TEAD3: variants seen among roughly 807,000 people sequenced by gnomAD.
TEAD3 encodes TEA domain transcription factor 3, also known as transcriptional enhancer factor TEF-5.
In TEAD3, 15 loss-of-function variants were observed where a neutral mutation model predicts 55.6. That is an observed-to-expected ratio of 0.27 (90% CI 0.18 to 0.42). The LOEUF is 0.42. Among genes scored for constraint, TEAD3 ranks in the 10% least tolerant of loss-of-function variants. The pLI is 1.00. For missense variants in TEAD3, 407 were observed against 576.8 expected, an observed-to-expected ratio of 0.71 and a Z score of 3.01; for synonymous variants, 210 against 232.2, an observed-to-expected ratio of 0.90 and a Z score of 0.87.
chr6:35,490,114 G>A (rs1330945406), intron 1 of TEAD3, among the ~76,000 whole-genome samples: 3 of 152,132 alleles, frequency 2.0e-5, no homozygotes, highest in Non-Finnish European at 4.4e-5. Context: ...CAGCGGCCCA[G>A]GCAGCCCCAG....
chr6:35,495,264 G>C (rs1768616608), intron 1 of TEAD3, among the ~76,000 whole-genome samples: 1 of 152,192 alleles, frequency 6.6e-6, no homozygotes, highest in Non-Finnish European at 1.5e-5. Context: ...AAAGTGCCAG[G>C]GTCTACAAAC....
chr6:35,486,442 C>G lies in TEAD3; in HGVS notation c.202+19G>C. ...CAGGGGGAAGGGCCGCAGTCCCGCC[C>G]GCGCCCCCCGGCACGCACCGTACAT... On this transcript the variant is annotated intron_variant, in intron 2 of 12. Coordinates refer to ENST00000639578, the Ensembl canonical transcript of TEAD3. The surrounding 1 kb of genome is among the most constrained non-coding windows in gnomAD (Gnocchi z 7.3). 1 of 1,601,458 alleles carries G rather than the reference C, an allele frequency of 6.2e-7. No individual in the cohort carries two copies. Among genetic ancestry groups the G allele is most frequent in the East Asian group, 2.2e-5 (1 of 44,620 alleles).
At chr6:35,480,453 G>T in intron 3 of TEAD3, 79 bp from the exon 4 acceptor site, 1 of 1,488,612 alleles carries the variant, frequency 6.7e-7, no homozygotes, top group Non-Finnish European at 9.3e-7. Flanking sequence ...CCGCGGGCAA[G>T]GAGCATCCCA....
rs1768338583 is a variant in TEAD3 at position 35,484,719 on chromosome 6, C to T, written c.203-95G>A. ...CACCGGGAAGCCACTCCAGGACCCT[C>T]CCCAAAACACTGCTCTTCTGTTCCT... On this transcript the variant is annotated intron_variant, in intron 2 of 12. Coordinates refer to ENST00000639578, the Ensembl canonical transcript of TEAD3. This position sits in a 1 kb window ranked among gnomAD's most constrained non-coding sequence, Gnocchi z 5.8. 3 of 1,020,770 alleles carry T rather than the reference C, an allele frequency of 2.9e-6. No homozygotes were observed. The highest frequency in any genetic ancestry group is 4.0e-5 in the Admixed American group (2 of 49,776). The allele number at this position is 1,020,770 out of a possible 1,614,324, so 63.2% of individuals were successfully genotyped here. A position where few individuals can be genotyped will look rare whatever the true frequency, so the allele number is the denominator to read the frequency against.
chr6:35,478,722 G>T, intron 5 of TEAD3, 151 bp from the exon 6 acceptor site: 1 of 1,091,042 alleles, frequency 9.2e-7, no homozygotes, highest in Non-Finnish European at 1.3e-6. Context: ...CAGCTCTGCT[G>T]TGTGATCTTG....
intron 3 of TEAD3, among the ~76,000 whole-genome samples, chr6:35,482,893 G>A (rs1182960565): frequency 6.6e-6 from 1 of 152,162 alleles, no homozygotes; most frequent in Non-Finnish European, 1.5e-5. Flanking sequence ...AGCTCAGAAC[G>A]GCTTTCTGTT....
At chr6:35,478,984 A>G (rs1244073340) in intron 5 of TEAD3, among the ~76,000 whole-genome samples, 1 of 150,042 alleles carries the variant, frequency 6.7e-6, no homozygotes, top group East Asian at 2.0e-4. Context: ...AGTTCAAGCA[A>G]TTTTCTTGCC....
Position 35,475,099 on chromosome 6 carries a change from A to T in TEAD3, c.1253T>A (p.Val418Asp). The T allele has an allele frequency of 6.3e-7, 1 of 1,598,338 alleles. No individual in the cohort carries two copies. The highest frequency in any genetic ancestry group is 8.5e-7 in the Non-Finnish European group (1 of 1,172,090). Residue 418 changes from valine (V) to aspartate (D), a missense_variant, in exon 13 of 13, where the codon GTC becomes GAC. Transcript: ENST00000639578. The surrounding 1 kb of genome is among the most constrained non-coding windows in gnomAD (Gnocchi z 5.4). Reference sequence around the variant, plus strand: ...CTGGGCCCCGTGCTCACTGGTGGAGACTTCGAAGACAAAAGCAATGACAAG... The same window carrying T: ...CTGGGCCCCGTGCTCACTGGTGGAGTCTTCGAAGACAAAAGCAATGACAAG...
Position 35,475,234 on chromosome 6 carries a change from C to T in TEAD3, c.1195-77G>A. The T allele has an allele frequency of 1.9e-6, 3 of 1,589,618 alleles. No individual in the cohort carries two copies. Among genetic ancestry groups the T allele is most frequent in the Non-Finnish European group, 2.6e-6 (3 of 1,166,860 alleles). On this transcript the variant is annotated intron_variant, in intron 12 of 12. Transcript: ENST00000639578. The surrounding 1 kb of genome is among the most constrained non-coding windows in gnomAD (Gnocchi z 5.4). ...GGGGCAGGGGGCTGAACAGACCATT[C>T]TCCTTTCCGGATCTATGCCTCTCAG... is the stretch of plus-strand genomic sequence containing the variant.
At chr6:35,480,033 C>G (rs1213631406) in intron 4 of TEAD3, 5 of 1,478,936 alleles carry the variant, frequency 3.4e-6, no homozygotes. Context: ...GCTGGGCAGG[C>G]CAGGCCAGGT....
At position 35,486,707 on chromosome 6, in the gene TEAD3, T is replaced by C; in HGVS notation, c.-45A>G. On this transcript the variant is annotated 5_prime_UTR_variant, in exon 2 of 13. Transcript: ENST00000639578. The surrounding 1 kb of genome is among the most constrained non-coding windows in gnomAD (Gnocchi z 7.3). Reference sequence around the variant, plus strand: ...TCTGGGCCTGAGCCCACTGGGCGGCTGAGCCTGGGGGACAGACAGACAGGA... The same window carrying C: ...TCTGGGCCTGAGCCCACTGGGCGGCCGAGCCTGGGGGACAGACAGACAGGA... The C allele has an allele frequency of 6.3e-7, 1 of 1,593,690 alleles. No homozygotes were observed. The highest frequency in any genetic ancestry group is 8.6e-7 in the Non-Finnish European group (1 of 1,168,522).
At chr6:35,481,314 T>TC (rs1768261348) in intron 3 of TEAD3, among the ~76,000 whole-genome samples, 1 of 152,100 alleles carries the variant, frequency 6.6e-6, no homozygotes. Flanking sequence ...GTCACTGTTT[T>TC]CCCCAGGAAA....
chr6:35,476,147 G>T, intron 9 of TEAD3, 55 bp from the exon 10 acceptor site: 1 of 1,530,836 alleles, frequency 6.5e-7, no homozygotes. Context: ...CAGGCCCGGG[G>T]GCGGGGAAGG....
chr6:35,487,653 G>A (rs1294209959), intron 1 of TEAD3, among the ~76,000 whole-genome samples: 1 of 151,874 alleles, frequency 6.6e-6, no homozygotes, highest in East Asian at 1.9e-4. Context: ...AACTCCAGAG[G>A]CAGAGGTTGC....
rs1768437555 is a variant in TEAD3 at position 35,488,634 on chromosome 6, G to A, written c.-49-1923C>T. ...CACCTGTTTGCTTAGGGAGGCTTGA[G>A]GGGATCACTAGTAGAATGAGGTGGG... On this transcript the variant is annotated intron_variant, in intron 1 of 12. Transcript: ENST00000639578. The surrounding 1 kb of genome is among the most constrained non-coding windows in gnomAD (Gnocchi z 4.2). 6.6e-6 allele frequency among the ~76,000 whole-genome samples: 1 copy of A among 152,170 alleles called. No homozygotes were observed. Among genetic ancestry groups the A allele is most frequent in the African/African-American group, 2.4e-5 (1 of 41,428 alleles).
At chr6:35,479,417 TTTTAGCTTCCGA>T in intron 4 of TEAD3, 101 bp from the exon 5 acceptor site, 1 of 1,473,390 alleles carries the variant, frequency 6.8e-7, no homozygotes, top group Non-Finnish European at 9.4e-7. Context: ...TGCCCATGGG[TTTTAGCTTCCGA>T]GGAGCCCAAG....
In TEAD3 at chr6:35,475,037, G is replaced by T; in HGVS notation, c.*7C>A. ...CCCTGCATCCTTAAGGAGGCGCAGAGGGCACCCTAGTCTTTGACGAGCTTG... is the reference window on the plus strand; with the variant it reads ...CCCTGCATCCTTAAGGAGGCGCAGATGGCACCCTAGTCTTTGACGAGCTTG... On this transcript the variant is annotated 3_prime_UTR_variant, in exon 13 of 13. Coordinates refer to ENST00000639578, the Ensembl canonical transcript of TEAD3. The surrounding 1 kb of genome is among the most constrained non-coding windows in gnomAD (Gnocchi z 5.4). 6.4e-7 allele frequency: 1 copy of T among 1,561,710 alleles called. No individual in the cohort carries two copies. Among genetic ancestry groups the T allele is most frequent in the East Asian group, 2.3e-5 (1 of 42,828 alleles).
In TEAD3 at chr6:35,485,176, G is replaced by C. The variant is rs1035536972; in HGVS notation, c.203-552C>G. ...GGTAAAAGACCAGGAAGGACAGGAA[G>C]GCAGCACTGACCGCCTCCAATGTGC... On this transcript the variant is annotated intron_variant, in intron 2 of 12. Coordinates refer to ENST00000639578, the Ensembl canonical transcript of TEAD3. This position sits in a 1 kb window ranked among gnomAD's most constrained non-coding sequence, Gnocchi z 4.3. 6.6e-6 allele frequency among the ~76,000 whole-genome samples: 1 copy of C among 152,316 alleles called. No homozygotes were observed. Among genetic ancestry groups the C allele is most frequent in the Non-Finnish European group, 1.5e-5 (1 of 68,012 alleles).
Position 35,478,632 on chromosome 6 carries a change from C to T in TEAD3, c.343-61G>A, listed in dbSNP as rs1372090676. The T allele has an allele frequency of 9.1e-6, 14 of 1,532,268 alleles. No individual in the cohort carries two copies. In the African/African-American group the frequency reaches 1.1e-4, roughly 12 times the overall value. The allele number at this position is 1,532,268 out of a possible 1,614,324, so 94.9% of individuals were successfully genotyped here. On this transcript the variant is annotated intron_variant, in intron 5 of 12. Coordinates refer to ENST00000639578, the Ensembl canonical transcript of TEAD3. ...CTGGATGAGGCCAGGCTTGCTTTAG[C>T]GCCCCTCCCATGACCCCAGCAGAGT...
Sources: gnomAD v4.1 joint callset for allele counts (sites outside exome capture counted in the v4.1 genomes callset) on GRCh38, gnomAD v4.1.1 for gene constraint, Gnocchi (gnomAD v3.1) non-coding constraint, MANE v1.5 for transcripts, NCBI Gene and HGNC (gene_info 2026-07-23, HGNC 2026-07-21) for gene names.